SPAG16: variants seen among roughly 807,000 people sequenced by gnomAD.
The protein encoded by SPAG16 is sperm-associated antigen 16 protein.
A neutral mutation model predicts 80.4 loss-of-function variants in SPAG16; 86 were observed. The ratio of observed to expected loss-of-function variants is 1.07; its 90% CI spans 0.90 to 1.28. The LOEUF (loss-of-function observed/expected upper bound fraction) is 1.28, where lower values mean the gene tolerates loss of function less well. SPAG16 is among the 50% of genes most tolerant of loss of function. The probability of loss-of-function intolerance (pLI) is 0.00; values close to 1 mark genes in which losing one functional copy is unlikely to be tolerated. For missense variants in SPAG16, 870 were observed against 765.3 expected (o/e 1.14, Z -1.61); for synonymous variants, 294 against 265.9 (o/e 1.11, Z -1.03).
At chr2:214,042,674 A>T (rs1357852014) in intron 13 of SPAG16, among the ~76,000 whole-genome samples, 1 of 152,176 alleles carries the variant, frequency 6.6e-6, no homozygotes, top group Non-Finnish European at 1.5e-5. Flanking sequence ...TGATGTCTTC[A>T]CACTTTCTTT....
At chr2:213,367,824 G>A (rs1324974445) in intron 8 of SPAG16, among the ~76,000 whole-genome samples, 18 of 144,734 alleles carry the variant, frequency 1.2e-4, no homozygotes, top group Non-Finnish European at 1.8e-4. Context: ...GGCTTTTGTT[G>A]CCATTGCTTT....
At chr2:213,947,269 G>A (rs528515612) in intron 12 of SPAG16, among the ~76,000 whole-genome samples, 23 of 152,212 alleles carry the variant, frequency 1.5e-4, no homozygotes, top group Non-Finnish European at 2.1e-4. Flanking sequence ...TTTAAAAAGT[G>A]CAAATTGTTT....
At chr2:214,114,847 G>A (rs549804556) in intron 14 of SPAG16, among the ~76,000 whole-genome samples, 3 of 152,170 alleles carry the variant, frequency 2.0e-5, no homozygotes, top group Admixed American at 6.5e-5. Flanking sequence ...GATGAACCAG[G>A]TACCTCAGTT....
At chr2:213,575,691 A>C (rs975280582) in intron 10 of SPAG16, among the ~76,000 whole-genome samples, 1 of 152,148 alleles carries the variant, frequency 6.6e-6, no homozygotes, top group Non-Finnish European at 1.5e-5. Context: ...TTATTCATTC[A>C]ATTGTTCATT....
chr2:213,997,709 C>T (rs747890254), intron 12 of SPAG16, among the ~76,000 whole-genome samples: 18 of 152,144 alleles, frequency 1.2e-4, no homozygotes, highest in Non-Finnish European at 2.9e-5. Context: ...TCTTGGGCCA[C>T]ACATAAAATA....
At chr2:213,412,407 A>G (rs1016396335) in intron 9 of SPAG16, among the ~76,000 whole-genome samples, 1 of 152,164 alleles carries the variant, frequency 6.6e-6, no homozygotes, top group Middle Eastern at 3.2e-3. Flanking sequence ...ACCTTTCTAT[A>G]TAGAAGTAAC....
chr2:214,259,778 C>T (rs977083396), intron 15 of SPAG16, among the ~76,000 whole-genome samples: 3 of 152,058 alleles, frequency 2.0e-5, no homozygotes, highest in Non-Finnish European at 2.9e-5. Flanking sequence ...ATACCAAAAG[C>T]ACAATTCCCA....
chr2:214,231,522 T>C (rs1342601964), intron 15 of SPAG16, among the ~76,000 whole-genome samples: 1 of 151,964 alleles, frequency 6.6e-6, no homozygotes, highest in African/African-American at 2.4e-5. Context: ...ATATAAGAAA[T>C]CATGGTATTT....
intron 12 of SPAG16, among the ~76,000 whole-genome samples, chr2:214,006,120 CT>C (rs149133832): frequency 0.025 from 3,864 of 152,028 alleles, 161 homozygotes; most frequent in African/African-American, 0.089. Flanking sequence ...ATTTTTTAAT[CT>C]TTTTTTCATG....
At chr2:213,680,089 G>A (rs182529301) in intron 10 of SPAG16, among the ~76,000 whole-genome samples, 2 of 152,274 alleles carry the variant, frequency 1.3e-5, no homozygotes, top group East Asian at 3.9e-4. Flanking sequence ...AAAGCAGAAG[G>A]AACAAGTAGA....
chr2:214,159,558 C>G (rs2056354194), intron 15 of SPAG16, among the ~76,000 whole-genome samples: 1 of 151,884 alleles, frequency 6.6e-6, no homozygotes, highest in Non-Finnish European at 1.5e-5. Context: ...GGAGATAGAG[C>G]CTGCACAGTT....
rs1278270184 is a variant in SPAG16, at chr2:214,216,924, G to A, written c.1720+67658G>A. ...AAATTCTGTATTGGCACCCTGCATA[G>A]GCACAAGATATTAATATATAAAACT... On this transcript the variant is annotated intron_variant, in intron 15 of 15. Transcript: ENST00000331683. Among the ~76,000 whole-genome samples, 4 of 152,250 alleles carry A rather than the reference G, an allele frequency of 2.6e-5. No homozygotes were observed. The South Asian group carries it at 8.3e-4, about 32-fold the overall frequency.
At chr2:213,446,164 G>C (rs59163769) in intron 9 of SPAG16, among the ~76,000 whole-genome samples, 2,008 of 152,288 alleles carry the variant, frequency 0.013, 41 homozygotes, top group African/African-American at 0.045. Flanking sequence ...AACAGTGCAA[G>C]AACTCTGGCA....
intron 5 of SPAG16, among the ~76,000 whole-genome samples, chr2:213,329,977 A>G (rs1325826130): frequency 3.9e-5 from 6 of 152,202 alleles, no homozygotes. Context: ...GGCAGCTTCC[A>G]TGTGATGTTG....
At chr2:214,061,413 G>C (rs533851428) in intron 13 of SPAG16, among the ~76,000 whole-genome samples, 1 of 152,144 alleles carries the variant, frequency 6.6e-6, no homozygotes, top group Non-Finnish European at 1.5e-5. Flanking sequence ...GTATGCATGC[G>C]TGTGTATACA....
chr2:214,346,821 C>T (rs766779963), intron 15 of SPAG16, among the ~76,000 whole-genome samples: 84 of 152,270 alleles, frequency 5.5e-4, no homozygotes, highest in African/African-American at 1.2e-3. Context: ...TCTGAACTCA[C>T]AACACTAGCT....
chr2:213,969,821 GA>G (rs200756233), intron 12 of SPAG16, among the ~76,000 whole-genome samples: 463 of 149,080 alleles, frequency 3.1e-3, no homozygotes, highest in Non-Finnish European at 4.6e-3. Flanking sequence ...AAATGTGGAA[GA>G]AAAAAAAACA....
At chr2:214,198,264 ACT>A (rs1007202961) in intron 15 of SPAG16, among the ~76,000 whole-genome samples, 4 of 151,768 alleles carry the variant, frequency 2.6e-5, no homozygotes, top group African/African-American at 9.7e-5. Context: ...TCCCCCACCC[ACT>A]GAGTCCTCAA....
intron 13 of SPAG16, among the ~76,000 whole-genome samples, chr2:214,025,698 CATTAA>C (rs2048093304): frequency 6.6e-6 from 1 of 151,514 alleles, no homozygotes; most frequent in Admixed American, 6.6e-5. Context: ...ATTAGCAATT[CATTAA>C]ATTACATTTA....
Sources: gnomAD v4.1 joint callset for allele counts (sites outside exome capture counted in the v4.1 genomes callset) on GRCh38, gnomAD v4.1.1 for gene constraint, MANE v1.5 for transcripts, NCBI Gene and HGNC (gene_info 2026-07-23, HGNC 2026-07-21) for gene names.